Variants in ZCCHC7 observed in about 807,000 individuals in gnomAD.
ZCCHC7 encodes zinc finger CCHC domain-containing protein 7.
ZCCHC7 carries 35 observed loss-of-function variants against 52.0 expected under a neutral mutation model. That is an observed-to-expected ratio of 0.67 (90% CI 0.51 to 0.89). ZCCHC7 has a LOEUF of 0.89. Among genes scored for constraint, ZCCHC7 ranks in the 40% least tolerant of loss-of-function variants. The pLI is 0.00. For synonymous variants in ZCCHC7, 217 were observed against 221.5 expected, an observed-to-expected ratio of 0.98 and a Z score of 0.18; for missense variants, 574 against 649.1, an observed-to-expected ratio of 0.88 and a Z score of 1.26.
intron 2 of ZCCHC7, chr9:37,284,359 G>A (rs535323448): frequency 6.6e-6 from 1 of 152,212 alleles, no homozygotes; most frequent in Non-Finnish European, 1.5e-5. Context: ...TTATTTCTCT[G>A]TGTATATACA....
chr9:37,177,209 C>T (rs1440329881), intron 2 of ZCCHC7, among the ~76,000 whole-genome samples: 2 of 152,126 alleles, frequency 1.3e-5, no homozygotes, highest in Admixed American at 1.3e-4. Context: ...GTGGCACACA[C>T]CTGTAGTCCC....
intron 2 of ZCCHC7, among the ~76,000 whole-genome samples, chr9:37,153,877 T>G (rs1275554109): frequency 6.6e-6 from 1 of 152,056 alleles, no homozygotes; most frequent in East Asian, 1.9e-4. Flanking sequence ...ATGGATTGAG[T>G]CAAATCATAG....
At chr9:37,137,813 T>G (rs1428530932) in intron 2 of ZCCHC7, among the ~76,000 whole-genome samples, 3 of 152,198 alleles carry the variant, frequency 2.0e-5, no homozygotes, top group Non-Finnish European at 4.4e-5. Flanking sequence ...AAACTTTGCC[T>G]TCAGTAACTT....
chr9:37,203,412 A>T (rs1823737848), intron 2 of ZCCHC7, among the ~76,000 whole-genome samples: 2 of 152,060 alleles, frequency 1.3e-5, no homozygotes, highest in Admixed American at 1.3e-4. Flanking sequence ...TCAACCTGTC[A>T]TCTAGGTTTT....
chr9:37,284,946 G>A (rs1016921739), intron 2 of ZCCHC7, among the ~76,000 whole-genome samples: 7 of 152,044 alleles, frequency 4.6e-5, no homozygotes, highest in Non-Finnish European at 8.8e-5. Flanking sequence ...ATATTTCTAT[G>A]TACAAATTTA....
At chr9:37,185,169 A>G (rs1822583845) in intron 2 of ZCCHC7, among the ~76,000 whole-genome samples, 2 of 152,220 alleles carry the variant, frequency 1.3e-5, no homozygotes, top group African/African-American at 2.4e-5. Flanking sequence ...CGTGGGTGCC[A>G]TCTACAAGTA....
rs57876177 is a variant in ZCCHC7 at position 37,288,670 on chromosome 9, G to A, written c.611-13518G>A. On this transcript the variant is annotated intron_variant, in intron 2 of 8. Transcript: ENST00000336755. ...ACTTTCCTAATAAATTCAAGGGTCA[G>A]TTCTCAGTCTTTTTCTTACCTGCCC... Among the ~76,000 whole-genome samples, 661 of 152,192 alleles carry A rather than the reference G, an allele frequency of 4.3e-3. 3 individuals are homozygous for A. The highest frequency in any genetic ancestry group is 0.015 in the African/African-American group (630 of 41,534).
chr9:37,334,670 G>A (rs576740135), intron 6 of ZCCHC7, among the ~76,000 whole-genome samples: 1 of 152,062 alleles, frequency 6.6e-6, no homozygotes, highest in South Asian at 2.1e-4. Context: ...GGTGTTATGT[G>A]TGGGTTTTTT....
intron 1 of ZCCHC7, 116 bp downstream of exon 1, chr9:37,120,739 C>T: frequency 8.5e-6 from 3 of 352,364 alleles, no homozygotes; most frequent in Non-Finnish European, 1.5e-5. Flanking sequence ...CTCGACGTCT[C>T]CCGTCCGCCC....
intron 2 of ZCCHC7, among the ~76,000 whole-genome samples, chr9:37,258,682 G>A (rs1269228608): frequency 2.1e-5 from 3 of 145,906 alleles, no homozygotes; most frequent in Non-Finnish European, 3.0e-5. Context: ...AGCCTGTGAG[G>A]TTGAGGCTGC....
intron 2 of ZCCHC7, among the ~76,000 whole-genome samples, chr9:37,237,325 A>G (rs540876298): frequency 8.5e-5 from 13 of 152,322 alleles, no homozygotes; most frequent in Admixed American, 2.6e-4. Context: ...TTTCAAATTC[A>G]CAAGCGCTAA....
At position 37,354,510 on chromosome 9, in the gene ZCCHC7, G is replaced by A. The variant is rs1821578837; in HGVS notation, c.1084-200G>A. On this transcript the variant is annotated intron_variant, in intron 7 of 8. Transcript: ENST00000336755. The surrounding 1 kb of genome is among the most constrained non-coding windows in gnomAD (Gnocchi z 4.0). ...AAAGAAGTAAGGGAAGAAAACTCAA[G>A]CTTGAAAGAATATCATAACACAGTG... 6.6e-6 allele frequency among the ~76,000 whole-genome samples: 1 copy of A among 152,310 alleles called. No homozygotes were observed. Among genetic ancestry groups the A allele is most frequent in the South Asian group, 2.1e-4 (1 of 4,830 alleles).
chr9:37,248,043 CA>C (rs200727950), intron 2 of ZCCHC7, among the ~76,000 whole-genome samples: 9 of 149,506 alleles, frequency 6.0e-5, no homozygotes, highest in East Asian at 3.9e-4. Context: ...TATTAGAAAA[CA>C]AAAAAAAAGT....
chr9:37,325,285 A>T (rs1396352969), intron 5 of ZCCHC7, among the ~76,000 whole-genome samples: 1 of 152,240 alleles, frequency 6.6e-6, no homozygotes. Context: ...GTTGCCATCC[A>T]TCTAAGTACC....
intron 2 of ZCCHC7, among the ~76,000 whole-genome samples, chr9:37,172,709 T>C (rs1821796720): frequency 6.6e-6 from 1 of 151,706 alleles, no homozygotes; most frequent in Non-Finnish European, 1.5e-5. Flanking sequence ...GGCATTCCAA[T>C]AGAGAGACTT....
At chr9:37,301,156 T>C (rs2133690556) in intron 2 of ZCCHC7, among the ~76,000 whole-genome samples, 1 of 152,336 alleles carries the variant, frequency 6.6e-6, no homozygotes, top group South Asian at 2.1e-4. Context: ...TTGGTAGAAA[T>C]ACTTTTCCTC....
chr9:37,336,320 T>C (rs535067377), intron 6 of ZCCHC7, among the ~76,000 whole-genome samples: 1 of 152,304 alleles, frequency 6.6e-6, no homozygotes, highest in African/African-American at 2.4e-5. Flanking sequence ...TCAAAGAGCA[T>C]TCCTATTTCA....
At position 37,305,671 on chromosome 9, in the gene ZCCHC7, A is replaced by G. The variant is rs142320214; in HGVS notation, c.908A>G (p.Asp303Gly). The G allele has an allele frequency of 1.2e-5, 20 of 1,613,936 alleles. 1 individual carries two copies. The South Asian group carries it at 2.0e-4, about 16-fold the overall frequency. The change falls in exon 5 of 9, where the codon GAT (aspartate) becomes GGT (glycine). Residue 303 changes from aspartate to glycine, a missense_variant. By Grantham distance (94) the Asp-to-Gly change is moderately conservative (BLOSUM62 -1). Around this residue, in one of 3 missense-constraint regions of ZCCHC7, gnomAD observed 403 missense variants for 461.2 expected, o/e 0.87. Transcript: ENST00000336755. ...DHSCLFRHSWDKQCDRCHMLG... is the reference protein window; with the variant it reads ...DHSCLFRHSWGKQCDRCHMLG... Reference sequence around the variant, plus strand: ...TCATGTCTTTTCAGACATTCCTGGGATAAACAGTGTGACCGATGTCATATG... The same window carrying G: ...TCATGTCTTTTCAGACATTCCTGGGGTAAACAGTGTGACCGATGTCATATG...
intron 2 of ZCCHC7, among the ~76,000 whole-genome samples, chr9:37,172,908 A>G (rs191802081): frequency 1.1e-4 from 16 of 150,324 alleles, no homozygotes; most frequent in South Asian, 6.4e-4. Context: ...GGGCATTCCA[A>G]TAGGGACTTG....
Sources: allele counts gnomAD v4.1 joint callset (sites outside exome capture counted in the v4.1 genomes callset), GRCh38; gene constraint gnomAD v4.1.1; regional missense constraint gnomAD v4.1.1; non-coding constraint Gnocchi (gnomAD v3.1); transcripts MANE v1.5; gene names NCBI Gene and HGNC (gene_info 2026-07-23, HGNC 2026-07-21).